Variants in CCDC192 observed in about 807,000 individuals in gnomAD.
CCDC192 encodes the protein coiled-coil domain-containing protein 192.
intron 2 of CCDC192, among the ~76,000 whole-genome samples, chr5:127,733,518 T>C (rs1458060140): frequency 6.6e-6 from 1 of 152,168 alleles, no homozygotes; most frequent in Admixed American, 6.6e-5. Context: ...ATCAGTCAGA[T>C]TCATATTTGA....
At chr5:127,719,035 C>G (rs1056226917) in intron 2 of CCDC192, among the ~76,000 whole-genome samples, 2 of 152,008 alleles carry the variant, frequency 1.3e-5, no homozygotes, top group African/African-American at 4.8e-5. Context: ...ATTGACCATC[C>G]TCACTTCCCC....
chr5:127,742,195 T>C (rs1753457257), intron 2 of CCDC192, among the ~76,000 whole-genome samples: 1 of 152,214 alleles, frequency 6.6e-6, no homozygotes, highest in South Asian at 2.1e-4. Context: ...AGAGTTGGCA[T>C]GTTAAGAGTT....
intron 6 of CCDC192, among the ~76,000 whole-genome samples, chr5:127,889,461 G>A (rs1217762093): frequency 6.7e-6 from 1 of 149,822 alleles, no homozygotes; most frequent in African/African-American, 2.5e-5. Context: ...GAGTGCAGTG[G>A]CACCATCTCG....
At chr5:127,821,123 A>G (rs768385388) in intron 5 of CCDC192, among the ~76,000 whole-genome samples, 1 of 152,212 alleles carries the variant, frequency 6.6e-6, no homozygotes, top group African/African-American at 2.4e-5. Context: ...TGTGCTGGTA[A>G]ATGTTTAACA....
chr5:127,875,108 A>G (rs1325283236), intron 5 of CCDC192, among the ~76,000 whole-genome samples: 2 of 152,134 alleles, frequency 1.3e-5, no homozygotes, highest in Non-Finnish European at 2.9e-5. Context: ...AAAGCAAACC[A>G]TTATGGTGTT....
chr5:127,709,276 TCTC>T (rs1229474072), intron 2 of CCDC192, among the ~76,000 whole-genome samples: 122 of 145,686 alleles, frequency 8.4e-4, no homozygotes, highest in African/African-American at 3.0e-3. Context: ...AGCAACCAAA[TCTC>T]CTGAAAACTC....
At chr5:127,846,038 C>G (rs144957860) in intron 5 of CCDC192, among the ~76,000 whole-genome samples, 202 of 152,236 alleles carry the variant, frequency 1.3e-3, no homozygotes, top group Non-Finnish European at 2.2e-3. Flanking sequence ...CTCCTGTAAT[C>G]CCAGCACTTT....
At chr5:127,892,312 A>T (rs535509547) in intron 6 of CCDC192, among the ~76,000 whole-genome samples, 10 of 152,222 alleles carry the variant, frequency 6.6e-5, no homozygotes, top group Non-Finnish European at 1.5e-4. Flanking sequence ...GAGATAATTA[A>T]GGTGCTGTTG....
chr5:127,855,547 G>T (rs11951821), intron 5 of CCDC192, among the ~76,000 whole-genome samples: 1 of 152,150 alleles, frequency 6.6e-6, no homozygotes, highest in Non-Finnish European at 1.5e-5. Context: ...CATGAATCAC[G>T]AGTGTTCTTA....
chr5:127,858,460 C>T (rs1456276590), intron 5 of CCDC192, among the ~76,000 whole-genome samples: 1 of 152,214 alleles, frequency 6.6e-6, no homozygotes, highest in Non-Finnish European at 1.5e-5. Flanking sequence ...TTAATGAGGT[C>T]ACTTTTCTTA....
At chr5:127,784,349 A>G (rs57808867) in intron 3 of CCDC192, among the ~76,000 whole-genome samples, 24,239 of 152,180 alleles carry the variant, frequency 0.16, 4,318 homozygotes, top group African/African-American at 0.43. Flanking sequence ...ATGCAGTAGC[A>G]TGCAGCCTTC....
intron 3 of CCDC192, among the ~76,000 whole-genome samples, chr5:127,773,396 CAGA>C (rs141423309): frequency 0.016 from 2,511 of 152,256 alleles, 32 homozygotes; most frequent in African/African-American, 0.038. Flanking sequence ...TTCATCACCC[CAGA>C]AGAACACTTT....
At chr5:127,703,796 T>G (rs1033092835) in intron 1 of CCDC192, among the ~76,000 whole-genome samples, 1 of 152,200 alleles carries the variant, frequency 6.6e-6, no homozygotes, top group Non-Finnish European at 1.5e-5. Flanking sequence ...CCAGCCATTT[T>G]ACTGATGTGG....
At chr5:127,928,033 T>C (rs1448301770) in intron 6 of CCDC192, among the ~76,000 whole-genome samples, 1 of 151,092 alleles carries the variant, frequency 6.6e-6, no homozygotes, top group Non-Finnish European at 1.5e-5. Flanking sequence ...ATTCAAGTGA[T>C]TCTCCTGCCT....
At chr5:127,876,125 G>A (rs1003001275) in intron 6 of CCDC192, among the ~76,000 whole-genome samples, 8 of 148,766 alleles carry the variant, frequency 5.4e-5, no homozygotes, top group Middle Eastern at 3.4e-3. Flanking sequence ...AGAGAAGGCT[G>A]GCTGGAGATG....
intron 6 of CCDC192, among the ~76,000 whole-genome samples, chr5:127,907,117 T>A (rs532229686): frequency 1.3e-5 from 2 of 152,278 alleles, no homozygotes; most frequent in East Asian, 3.9e-4. Flanking sequence ...ACCACATCTT[T>A]ATACTACTGA....
chr5:127,808,566 G>A (rs1040267343), intron 5 of CCDC192, among the ~76,000 whole-genome samples: 7 of 152,098 alleles, frequency 4.6e-5, no homozygotes, highest in Non-Finnish European at 1.0e-4. Context: ...GATGGTGCTC[G>A]TTTGAGGACT....
intron 3 of CCDC192, among the ~76,000 whole-genome samples, chr5:127,759,979 A>G (rs1754821524): frequency 6.6e-6 from 1 of 152,134 alleles, no homozygotes; most frequent in African/African-American, 2.4e-5. Context: ...TTCCTTGGCA[A>G]GCTGGGGCAG....
chr5:127,889,858 G>A (rs1752682687), intron 6 of CCDC192, among the ~76,000 whole-genome samples: 1 of 151,622 alleles, frequency 6.6e-6, no homozygotes, highest in South Asian at 2.1e-4. Context: ...CTCTGGCCAT[G>A]CCACTGGTCA....
Sources: allele counts gnomAD v4.1 joint callset (sites outside exome capture counted in the v4.1 genomes callset), GRCh38; gene constraint gnomAD v4.1.1; transcripts MANE v1.5; gene names NCBI Gene and HGNC (gene_info 2026-07-23, HGNC 2026-07-21).